SPATA13: variants seen among roughly 807,000 people sequenced by gnomAD.
SPATA13 encodes the protein spermatogenesis-associated protein 13.
SPATA13 carries 50 observed loss-of-function variants against 104.0 expected under a neutral mutation model. The ratio of observed to expected loss-of-function variants is 0.48; its 90% CI spans 0.38 to 0.61. SPATA13 has a LOEUF of 0.61. Ranked by LOEUF, SPATA13 falls within the 20% of genes least tolerant of loss-of-function variation. SPATA13 has a pLI of 0.00. For missense variants in SPATA13, 1,524 were observed against 1,690.6 expected (o/e 0.90, Z 1.73); for synonymous variants, 606 against 667.5 (o/e 0.91, Z 1.42).
intron 3 of SPATA13, among the ~76,000 whole-genome samples, chr13:24,121,537 G>A (rs1456013377): frequency 2.0e-5 from 3 of 152,152 alleles, no homozygotes; most frequent in Non-Finnish European, 4.4e-5. Flanking sequence ...AATGATGAAT[G>A]AAAATGATGA....
At chr13:24,073,916 A>C (rs1237083184) in intron 3 of SPATA13, among the ~76,000 whole-genome samples, 1 of 152,162 alleles carries the variant, frequency 6.6e-6, no homozygotes, top group Non-Finnish European at 1.5e-5. Flanking sequence ...ATTCTTGGAG[A>C]TGTGCAGCCT....
chr13:24,252,334 T>A (rs1388269235), intron 4 of SPATA13, among the ~76,000 whole-genome samples: 1 of 152,172 alleles, frequency 6.6e-6, no homozygotes, highest in East Asian at 1.9e-4. Context: ...GTGTTCAGAT[T>A]TCCCCTTTTT....
chr13:24,018,686 C>T (rs576168247), intron 3 of SPATA13, among the ~76,000 whole-genome samples: 42 of 152,284 alleles, frequency 2.8e-4, no homozygotes, highest in African/African-American at 9.6e-4. Context: ...CACCATAGGC[C>T]TCACCTAACA....
chr13:24,092,819 A>G (rs1432965938), intron 3 of SPATA13, among the ~76,000 whole-genome samples: 3 of 152,216 alleles, frequency 2.0e-5, no homozygotes, highest in African/African-American at 7.2e-5. Flanking sequence ...TGGAGCTTTT[A>G]TACTCCATAG....
At chr13:24,270,800 C>T (rs1461408654) in intron 4 of SPATA13, 12 of 1,611,590 alleles carry the variant, frequency 7.4e-6, no homozygotes, top group South Asian at 3.3e-5. Context: ...GCTTGGGGAC[C>T]GGCTCCTCGG....
Position 24,297,540 on chromosome 13 carries a change from G to A in SPATA13, c.3388G>A (p.Asp1130Asn), listed in dbSNP as rs1876872606. Residue 1130 changes from aspartate to asparagine, a missense_variant, in exon 11 of 13, where the codon GAT (aspartate) becomes AAT (asparagine). Physicochemically the swap from Asp to Asn is conservative, Grantham distance 23 (BLOSUM62 1). Around this residue, in one of 2 missense-constraint regions of SPATA13, gnomAD observed 435 missense variants for 554.8 expected, o/e 0.78. Coordinates refer to ENST00000382108, the MANE Select transcript of SPATA13 (RefSeq NM_001166271.3). Reference protein sequence around the residue: ...MLYYKGRLDMDEMELVDLGDG... With the variant: ...MLYYKGRLDMNEMELVDLGDG... Reference sequence around the variant, plus strand: ...GTACTACAAGGGCCGGCTGGACATGGATGAGATGGAGCTTGTGGACCTGGG... The same window carrying A: ...GTACTACAAGGGCCGGCTGGACATGAATGAGATGGAGCTTGTGGACCTGGG... 6.2e-7 allele frequency: 1 copy of A among 1,614,260 alleles called. No homozygotes were observed. Among genetic ancestry groups the A allele is most frequent in the East Asian group, 2.2e-5 (1 of 44,884 alleles).
At chr13:24,145,630 CT>C (rs1881904713) in intron 3 of SPATA13, among the ~76,000 whole-genome samples, 1 of 152,330 alleles carries the variant, frequency 6.6e-6, no homozygotes, top group African/African-American at 2.4e-5. Context: ...GGAACTCTTC[CT>C]GCAATTCTCA....
chr13:24,068,625 A>T (rs1879052232), intron 3 of SPATA13, among the ~76,000 whole-genome samples: 1 of 151,986 alleles, frequency 6.6e-6, no homozygotes, highest in Admixed American at 6.5e-5. Flanking sequence ...TTTCTCCACA[A>T]CCTGTTATTT....
chr13:24,254,590 G>A (rs1386285718), intron 4 of SPATA13, among the ~76,000 whole-genome samples: 1 of 152,176 alleles, frequency 6.6e-6, no homozygotes, highest in African/African-American at 2.4e-5. Context: ...TCCACAGAGT[G>A]CAGGAAAACA....
chr13:24,160,614 C>A, upstream of SPATA13: 1 of 634,530 alleles, frequency 1.6e-6, no homozygotes, highest in Non-Finnish European at 2.0e-6. Flanking sequence ...GAGGGTGTGG[C>A]CTGAGGGAGT....
intron 3 of SPATA13, among the ~76,000 whole-genome samples, chr13:24,103,484 C>CAAAAAAAAAAAAA (rs34983901): frequency 2.9e-5 from 2 of 69,860 alleles, no homozygotes; most frequent in Non-Finnish European, 2.5e-5. Context: ...GACCCTGTCT[C>CAAAAAAAAAAAAA]AAAAAAAAAA....
At chr13:24,049,788 A>T (rs1295983381) in intron 3 of SPATA13, among the ~76,000 whole-genome samples, 1 of 152,220 alleles carries the variant, frequency 6.6e-6, no homozygotes, top group African/African-American at 2.4e-5. Context: ...TCTGTCATGC[A>T]GCCAACAGAC....
At chr13:24,013,803 C>T (rs1247529935) in intron 2 of SPATA13, among the ~76,000 whole-genome samples, 1 of 151,088 alleles carries the variant, frequency 6.6e-6, no homozygotes, top group Non-Finnish European at 1.5e-5. Context: ...CTAAAAACCT[C>T]GAAGGCTTGG....
At chr13:23,986,941 TACATTATGGGAAATTTG>T (rs1425629963) in intron 2 of SPATA13, among the ~76,000 whole-genome samples, 1 of 152,010 alleles carries the variant, frequency 6.6e-6, no homozygotes, top group African/African-American at 2.4e-5. Flanking sequence ...CCTACCATTT[TACATTATGGGAAATTTG>T]ACAAGTTTCA....
chr13:24,258,067 C>T (rs1338492058), intron 4 of SPATA13, among the ~76,000 whole-genome samples: 1 of 152,082 alleles, frequency 6.6e-6, no homozygotes, highest in Admixed American at 6.6e-5. Flanking sequence ...TCATCTCTTT[C>T]TCTACTAAAA....
intron 3 of SPATA13, among the ~76,000 whole-genome samples, chr13:24,097,212 A>G (rs1880113334): frequency 6.6e-6 from 1 of 152,194 alleles, no homozygotes; most frequent in African/African-American, 2.4e-5. Context: ...GTTCTCATGC[A>G]CTGACAGTTC....
intron 1 of SPATA13, among the ~76,000 whole-genome samples, chr13:24,175,560 T>G (rs1409632514): frequency 6.6e-6 from 1 of 152,234 alleles, no homozygotes; most frequent in Non-Finnish European, 1.5e-5. Context: ...AAGGGATGTG[T>G]TTCAGAGTTG....
chr13:24,211,734 G>A (rs1012371222), intron 1 of SPATA13, among the ~76,000 whole-genome samples: 3 of 151,982 alleles, frequency 2.0e-5, no homozygotes, highest in Non-Finnish European at 2.9e-5. Flanking sequence ...TGGCACTGAC[G>A]ATGATGGCCT....
intron 2 of SPATA13, among the ~76,000 whole-genome samples, chr13:24,006,327 C>A (rs1170399374): frequency 3.9e-5 from 6 of 152,210 alleles, no homozygotes; most frequent in Admixed American, 3.9e-4. Flanking sequence ...ACAGGGCCTT[C>A]GTGGCACCTC....
Sources: gnomAD v4.1 joint callset for allele counts (sites outside exome capture counted in the v4.1 genomes callset) on GRCh38, gnomAD v4.1.1 for gene constraint, gnomAD v4.1.1 regional missense constraint, MANE v1.5 for transcripts, NCBI Gene and HGNC (gene_info 2026-07-23, HGNC 2026-07-21) for gene names.